Variants in CHEK2 observed in about 807,000 individuals in gnomAD.
CHEK2 encodes checkpoint kinase 2.
In CHEK2, 71 loss-of-function variants were observed where a neutral mutation model predicts 69.1. The observed-to-expected ratio is 1.03, with a 90% CI of 0.85 to 1.25. The LOEUF (loss-of-function observed/expected upper bound fraction) is 1.25, where lower values mean the gene tolerates loss of function less well. Ranked by LOEUF, CHEK2 falls within the 50% of genes most tolerant of loss-of-function variation. The pLI, the probability that CHEK2 is intolerant of heterozygous loss-of-function variation, is 0.00. For synonymous variants in CHEK2, 189 were observed against 226.9 expected (o/e 0.83, Z 1.50); for missense variants, 664 against 649.6 (o/e 1.02, Z -0.24).
At chr22:28,720,034 A>C (rs1292792427) in intron 4 of CHEK2, among the ~76,000 whole-genome samples, 1 of 151,678 alleles carries the variant, frequency 6.6e-6, no homozygotes, top group African/African-American at 2.4e-5. Context: ...GGTAAATAAC[A>C]TTTTCTAAAC....
chr22:28,735,224 G>A (rs1450281247), intron 1 of CHEK2, among the ~76,000 whole-genome samples: 1 of 152,018 alleles, frequency 6.6e-6, no homozygotes, highest in Admixed American at 6.6e-5. Flanking sequence ...GGCCAACATA[G>A]TGAAACTCCG....
intron 7 of CHEK2, chr22:28,708,830 G>A (rs1183628849): frequency 4.2e-6 from 1 of 235,306 alleles, no homozygotes; most frequent in Non-Finnish European, 8.6e-6. Context: ...GGGCGTGGTG[G>A]TGTGCCCAGC....
intron 7 of CHEK2, among the ~76,000 whole-genome samples, chr22:28,707,619 C>CT (rs1366516258): frequency 6.6e-6 from 1 of 152,180 alleles, no homozygotes; most frequent in East Asian, 1.9e-4. Context: ...CTAGACTCTA[C>CT]TTATTGTCCC....
chr22:28,736,343 A>G (rs1439250453), intron 1 of CHEK2, among the ~76,000 whole-genome samples: 1 of 152,174 alleles, frequency 6.6e-6, no homozygotes, highest in Non-Finnish European at 1.5e-5. Flanking sequence ...ATTTACATAA[A>G]ATGTCACTGG....
chr22:28,738,007 A>G (rs2054461631), intron 1 of CHEK2: 1 of 152,258 alleles, frequency 6.6e-6, no homozygotes, highest in Non-Finnish European at 1.5e-5. Context: ...GGAATTCAAG[A>G]CCAGCCTGGG....
At chr22:28,717,832 C>CCACACCATTG (rs1387889305) in intron 5 of CHEK2, among the ~76,000 whole-genome samples, 2 of 152,062 alleles carry the variant, frequency 1.3e-5, no homozygotes, top group African/African-American at 4.8e-5. Flanking sequence ...TGAGCTGAGA[C>CCACACCATTG]CACACCATTG....
Position 28,725,251 on chromosome 22 carries a change from T to G in CHEK2, c.436A>C (p.Ile146Leu), listed in dbSNP as rs781678896. 2.5e-6 allele frequency: 4 copies of G among 1,613,938 alleles called. No homozygotes were observed. Among genetic ancestry groups the G allele is most frequent in the Admixed American group, 1.7e-5 (1 of 59,980 alleles). Reference sequence around the variant, plus strand: ...GGGTATTCATTACCTACCCTGAAAATCCGAAAGTGTTTCTTGCTGTATGTT... The same window carrying G: ...GGGTATTCATTACCTACCCTGAAAAGCCGAAAGTGTTTCTTGCTGTATGTT... ...YRTYSKKHFR[I>L]FREVGPKNSY... is the part of the protein sequence containing the mutation. The change falls in exon 3 of 15, where the codon ATT becomes CTT. Residue 146 changes from isoleucine (I) to leucine (L), a missense_variant. Ile to Leu is a conservative substitution (Grantham distance 5, BLOSUM62 2). Transcript: ENST00000404276.
chr22:28,719,942 A>G (rs1008742991), intron 4 of CHEK2, among the ~76,000 whole-genome samples: 1 of 152,174 alleles, frequency 6.6e-6, no homozygotes, highest in African/African-American at 2.4e-5. Context: ...GGGTATTATC[A>G]TCTCTCAGCC....
rs755666375 is a variant in CHEK2 at position 28,710,034 on chromosome 22, T to G, written c.818A>C (p.Glu273Ala). Reference protein sequence around the residue: ...EADPALNVETEIEILKKLNHP... With the variant: ...EADPALNVETAIEILKKLNHP... Reference sequence around the variant, plus strand: ...ATTTAGCTTTTTCAAAATTTCTATTTCTGTTTCAACATTGAGAGCTGGGTC... The same window carrying G: ...ATTTAGCTTTTTCAAAATTTCTATTGCTGTTTCAACATTGAGAGCTGGGTC... Residue 273 changes from glutamate (E) to alanine (A), a missense_variant, in exon 7 of 15, where the codon GAA (glutamate) becomes GCA (alanine). Coordinates refer to ENST00000404276, the MANE Select transcript of CHEK2 (RefSeq NM_007194.4). The G allele has an allele frequency of 6.4e-7, 1 of 1,556,574 alleles. No homozygotes were observed. The highest frequency in any genetic ancestry group is 1.4e-5 in the African/African-American group (1 of 73,676).
At position 28,725,341 on chromosome 22, in the gene CHEK2, C is replaced by A. The variant is rs2146071181; in HGVS notation, c.346G>T (p.Gly116Trp). ...CAATATTCACAGCTTTTGTCCCTCCCAAACCAGTAGTTGTCATTCACACAT... is the reference window on the plus strand; with the variant it reads ...CAATATTCACAGCTTTTGTCCCTCCAAAACCAGTAGTTGTCATTCACACAT... Reference protein sequence around the residue: ...LECVNDNYWFGRDKSCEYCFD... With the variant: ...LECVNDNYWFWRDKSCEYCFD... The change falls in exon 3 of 15, where the codon GGG becomes TGG. Residue 116 changes from glycine to tryptophan, a missense_variant. Gly to Trp is a radical substitution (Grantham distance 184). Coordinates refer to ENST00000404276, the MANE Select transcript of CHEK2 (RefSeq NM_007194.4). 6.2e-7 allele frequency: 1 copy of A among 1,614,084 alleles called. No homozygotes were observed. Among genetic ancestry groups the A allele is most frequent in the Non-Finnish European group, 8.5e-7 (1 of 1,179,986 alleles).
intron 1 of CHEK2, among the ~76,000 whole-genome samples, chr22:28,737,030 C>CA (rs1178541975): frequency 5.3e-5 from 8 of 151,414 alleles, no homozygotes; most frequent in Non-Finnish European, 8.8e-5. Context: ...ATCGGATTAA[C>CA]AAAAAAAAGG....
intron 3 of CHEK2, 21 bp downstream of exon 3, chr22:28,725,222 A>C (rs1350056069): frequency 6.2e-7 from 1 of 1,613,970 alleles, no homozygotes; most frequent in South Asian, 1.1e-5. Context: ...TCTCCTAGAT[A>C]CATGGGTATT....
chr22:28,708,965 A>AC, intron 7 of CHEK2: 1 of 354,260 alleles, frequency 2.8e-6, no homozygotes, highest in East Asian at 1.0e-4. Context: ...AAAAAAAAAA[A>AC]AAAAAAAAAC....
At chr22:28,715,915 G>A (rs1030490836) in intron 5 of CHEK2, among the ~76,000 whole-genome samples, 13 of 150,844 alleles carry the variant, frequency 8.6e-5, no homozygotes, top group African/African-American at 2.9e-4. Context: ...GCCCAGGCTG[G>A]AATGCAGTGG....
intron 14 of CHEK2, among the ~76,000 whole-genome samples, chr22:28,688,908 A>G (rs1177203326): frequency 6.6e-6 from 1 of 152,218 alleles, no homozygotes; most frequent in African/African-American, 2.4e-5. Flanking sequence ...TTGGATGACA[A>G]TCCCTAGCTG....
In CHEK2 at chr22:28,725,680, G is replaced by A. The variant is rs17886564; in HGVS notation, c.320-313C>T. Among the ~76,000 whole-genome samples, 1,521 of 152,168 alleles carry A rather than the reference G, an allele frequency of 1.0e-2. 26 individuals carry two copies. The highest frequency in any genetic ancestry group is 0.035 in the African/African-American group (1,459 of 41,532). On this transcript the variant is annotated intron_variant, in intron 2 of 14. Coordinates refer to ENST00000404276, the MANE Select transcript of CHEK2 (RefSeq NM_007194.4). ...GCTCATGACCAGCCTGGGCAACATA[G>A]GGGGCACCCATCTCTACCAAGAATT...
At chr22:28,712,053 G>A (rs1555921428) in intron 5 of CHEK2, 36 bp from the exon 6 acceptor site, 1 of 1,485,850 alleles carries the variant, frequency 6.7e-7, no homozygotes, top group South Asian at 1.1e-5. Context: ...TTGTCTGAAT[G>A]TTTTTAATTA....
chr22:28,701,778 A>T (rs1381078812), intron 8 of CHEK2, among the ~76,000 whole-genome samples: 2 of 152,182 alleles, frequency 1.3e-5, no homozygotes, highest in South Asian at 4.1e-4. Flanking sequence ...CTGGATTGAA[A>T]GGACCCGCAT....
Position 28,719,434 on chromosome 22 carries a change from G to A in CHEK2, c.644C>T (p.Ala215Val), listed in dbSNP as rs2146005998. 1 of 1,597,638 alleles carries A rather than the reference G, an allele frequency of 6.3e-7. No homozygotes were observed. The highest frequency in any genetic ancestry group is 1.1e-5 in the South Asian group (1 of 88,780). ...TVDDQSVYPKALRDEYIMSKT... is the reference protein window; with the variant it reads ...TVDDQSVYPKVLRDEYIMSKT... The stretch of plus-strand genomic sequence containing the variant: ...TGACATGATGTATTCATCTCTTAAT[G>A]CCTTAGGATAAACTGACTGATCATC... The change falls in exon 5 of 15, where the codon GCA becomes GTA. Residue 215 changes from alanine (A) to valine (V), a missense_variant. Transcript: ENST00000404276.
Sources: gnomAD v4.1 joint callset for allele counts (sites outside exome capture counted in the v4.1 genomes callset) on GRCh38, gnomAD v4.1.1 for gene constraint, MANE v1.5 for transcripts, NCBI Gene and HGNC (gene_info 2026-07-23, HGNC 2026-07-21) for gene names.